The following CEP97 variants were observed in gnomAD, a reference collection of about 807,000 sequenced individuals.
CEP97 encodes the protein centrosomal protein 97.
Under a neutral mutation model 73.1 loss-of-function variants are expected in CEP97, and 43 were observed. The ratio of observed to expected loss-of-function variants is 0.59; its 90% CI spans 0.46 to 0.76. The LOEUF is 0.76. Among genes scored for constraint, CEP97 ranks in the 30% least tolerant of loss-of-function variants. The pLI is 0.00. For synonymous variants in CEP97, 337 were observed against 370.0 expected, an observed-to-expected ratio of 0.91 and a Z score of 1.02; for missense variants, 939 against 1,014.0, an observed-to-expected ratio of 0.93 and a Z score of 1.00.
At chr3:101,743,436 C>T (rs541799733) in intron 6 of CEP97, among the ~76,000 whole-genome samples, 1 of 151,946 alleles carries the variant, frequency 6.6e-6, no homozygotes, top group Admixed American at 6.6e-5. Context: ...TGCTCTGTTT[C>T]CCAGGCTAGA....
At chr3:101,733,543 T>G (rs1938178622) in intron 6 of CEP97, among the ~76,000 whole-genome samples, 1 of 151,942 alleles carries the variant, frequency 6.6e-6, no homozygotes, top group Non-Finnish European at 1.5e-5. Context: ...TTTTTTATTT[T>G]TTTTTGAGAC....
intron 8 of CEP97, 26 bp downstream of exon 8, chr3:101,757,222 C>CTTT (rs769321916): frequency 9.5e-6 from 15 of 1,577,982 alleles, no homozygotes; most frequent in Non-Finnish European, 1.2e-5. Flanking sequence ...ATCTCTGATC[C>CTTT]CTTTTCTCCA....
intron 6 of CEP97, among the ~76,000 whole-genome samples, chr3:101,743,106 T>C (rs2446748): frequency 1 from 151,476 of 151,830 alleles, 75,562 homozygotes; most frequent in Middle Eastern, 1. Context: ...ATTTGCTGGG[T>C]GTGGTGGTGT....
At position 101,757,771 on chromosome 3, in the gene CEP97, A is replaced by G; in HGVS notation, c.1165A>G (p.Thr389Ala). Reference sequence around the variant, plus strand: ...TGATCTGCACCTGGAAGACATACAGACGGATGAGGACAAGTTAAACTGTAG... The same window carrying G: ...TGATCTGCACCTGGAAGACATACAGGCGGATGAGGACAAGTTAAACTGTAG... ...RNDLHLEDIQ[T>A]DEDKLNCSLL... Residue 389 changes from threonine to alanine, a missense_variant, in exon 9 of 11, where the codon ACG (threonine) becomes GCG (alanine). Transcript: ENST00000341893. The G allele has an allele frequency of 6.2e-7, 1 of 1,614,226 alleles. No homozygotes were observed.
Position 101,757,379 on chromosome 3 carries a change from T to G in CEP97, c.1027+183T>G, listed in dbSNP as rs558812520. 1.1e-4 allele frequency among the ~76,000 whole-genome samples: 17 copies of G among 152,344 alleles called. No homozygotes were observed. The East Asian group carries it at 3.3e-3, about 29-fold the overall frequency. On this transcript the variant is annotated intron_variant, in intron 8 of 10. Coordinates refer to ENST00000341893, the MANE Select transcript of CEP97 (RefSeq NM_024548.4). ...ATATATGTATGTATATTATAACTGCTATATTTCTAATTTTAAGAAACATTT... is the reference window on the plus strand; with the variant it reads ...ATATATGTATGTATATTATAACTGCGATATTTCTAATTTTAAGAAACATTT...
intron 4 of CEP97, among the ~76,000 whole-genome samples, chr3:101,730,212 C>T (rs779567989): frequency 1.3e-5 from 2 of 150,684 alleles, no homozygotes; most frequent in East Asian, 2.0e-4. Flanking sequence ...CATGAGCCAC[C>T]GAACTGGCCG....
Position 101,765,070 on chromosome 3 carries a change from C to T in CEP97, c.2117C>T (p.Ser706Phe), listed in dbSNP as rs755098714. 3 of 1,614,136 alleles carry T rather than the reference C, an allele frequency of 1.9e-6. No homozygotes were observed. The highest frequency in any genetic ancestry group is 2.2e-5 in the East Asian group (1 of 44,876). The stretch of plus-strand genomic sequence containing the variant: ...TTTCCAGACTCTGGTTTTCATTCCT[C>T]TCTAACAGAACAAGTTCATTCATTG... ...PEFPDSGFHSSLTEQVHSLQH... is the reference protein window; with the variant it reads ...PEFPDSGFHSFLTEQVHSLQH... Residue 706 changes from serine (S) to phenylalanine (F), a missense_variant, in exon 11 of 11, where the codon TCT becomes TTT. Coordinates refer to ENST00000341893, the MANE Select transcript of CEP97 (RefSeq NM_024548.4).
At chr3:101,763,207 A>G (rs1939216687) in intron 10 of CEP97, 11 of 1,233,020 alleles carry the variant, frequency 8.9e-6, no homozygotes, top group Non-Finnish European at 1.0e-5. Flanking sequence ...TCACCTGGCC[A>G]AATTTGTTAT....
chr3:101,728,572 G>GT (rs539069430), intron 3 of CEP97, among the ~76,000 whole-genome samples: 11 of 151,790 alleles, frequency 7.2e-5, no homozygotes, highest in Non-Finnish European at 1.3e-4. Context: ...CCATTACTAT[G>GT]TTTTTTTTCA....
rs1576675354 is a variant in CEP97 at position 101,728,923 on chromosome 3, T to C, written c.433T>C (p.Leu145=). The part of the protein sequence containing the change: ...NISQIGDLSK[L]VSLKTLLLHG... ...ATCCCAGATAGGTGATCTATCTAAA[T>C]TGGTATCCCTGAAAGTAAGTATGTT... Residue 145 remains leucine, a synonymous_variant, in exon 4 of 11, where the codon TTG becomes CTG. Transcript: ENST00000341893. 1.3e-6 allele frequency: 2 copies of C among 1,520,358 alleles called. No homozygotes were observed. The highest frequency in any genetic ancestry group is 1.7e-5 in the Admixed American group (1 of 59,300). 94.2% of individuals were successfully genotyped at this position (1,520,358 alleles called of 1,614,324 possible).
chr3:101,731,030 T>C (rs1276116317), intron 4 of CEP97, among the ~76,000 whole-genome samples: 1 of 151,974 alleles, frequency 6.6e-6, no homozygotes, highest in African/African-American at 2.4e-5. Context: ...TTTGGGTTTA[T>C]TCTTGGTTGT....
chr3:101,762,722 T>C (rs1209758299), intron 10 of CEP97, among the ~76,000 whole-genome samples, 162 bp downstream of exon 10: 2 of 152,228 alleles, frequency 1.3e-5, no homozygotes, highest in African/African-American at 4.8e-5. Context: ...CAGTGAATTT[T>C]CTTGCATTTT....
chr3:101,726,593 G>T lies in CEP97; in HGVS notation c.44-1G>T. On this transcript the variant is annotated splice_acceptor_variant, in intron 1 of 10. Transcript: ENST00000341893. LOFTEE classifies it high-confidence loss of function. ...TTCTAACATTTCCGTTTCTTTTCAAGGATCAGTGGTCAATTGGTCAGGACA... is the reference window on the plus strand; with the variant it reads ...TTCTAACATTTCCGTTTCTTTTCAATGATCAGTGGTCAATTGGTCAGGACA... 1 of 1,566,868 alleles carries T rather than the reference G, an allele frequency of 6.4e-7. No individual in the cohort carries two copies. The highest frequency in any genetic ancestry group is 1.4e-5 in the African/African-American group (1 of 72,282).
intron 6 of CEP97, among the ~76,000 whole-genome samples, chr3:101,751,056 A>C (rs1046467793): frequency 6.6e-6 from 1 of 152,228 alleles, no homozygotes. Flanking sequence ...ATTTAGTGCT[A>C]TAAATTTCCC....
intron 6 of CEP97, among the ~76,000 whole-genome samples, chr3:101,744,610 T>G (rs1300706774): frequency 6.6e-6 from 1 of 150,658 alleles, no homozygotes; most frequent in African/African-American, 2.4e-5. Flanking sequence ...AGGATAGAGT[T>G]ACTCTCAAAC....
chr3:101,768,235 T>A lies in CEP97; in HGVS notation c.*2684T>A, dbSNP rs1342127209. 2 of 152,246 alleles carry A rather than the reference T, an allele frequency of 1.3e-5. No homozygotes were observed. Among genetic ancestry groups the A allele is most frequent in the Admixed American group, 1.3e-4 (2 of 15,286 alleles). 9.4% of individuals were successfully genotyped at this position (152,246 alleles called of 1,614,324 possible). ...TCAAAGATGAAACTAAAGCACAGCA[T>A]GTTAAATGACTTGTCTAAGTTATAG... On this transcript the variant is annotated 3_prime_UTR_variant, in exon 11 of 11. Coordinates refer to ENST00000341893, the MANE Select transcript of CEP97 (RefSeq NM_024548.4).
At chr3:101,732,403 T>C in intron 5 of CEP97, 85 bp from the exon 6 acceptor site, 1 of 895,204 alleles carries the variant, frequency 1.1e-6, no homozygotes, top group Non-Finnish European at 1.7e-6. Context: ...CATTCTCAAA[T>C]GCTGCCAAAG....
chr3:101,727,580 TA>T, intron 3 of CEP97, 39 bp downstream of exon 3: 7 of 1,534,770 alleles, frequency 4.6e-6, no homozygotes, highest in Admixed American at 2.1e-5. Flanking sequence ...CTATTCTGCG[TA>T]AAAAAAATTC....
intron 4 of CEP97, among the ~76,000 whole-genome samples, chr3:101,729,652 C>T (rs911469578): frequency 1.3e-5 from 2 of 151,916 alleles, no homozygotes; most frequent in South Asian, 2.1e-4. Flanking sequence ...CAATCTCACT[C>T]GACCTCCCAG....
Sources: gnomAD v4.1 joint callset for allele counts (sites outside exome capture counted in the v4.1 genomes callset) on GRCh38, gnomAD v4.1.1 for gene constraint, MANE v1.5 for transcripts, NCBI Gene and HGNC (gene_info 2026-07-23, HGNC 2026-07-21) for gene names.